The following RIMS1 variants were observed in gnomAD, a reference collection of about 807,000 sequenced individuals.
RIMS1 encodes the protein regulating synaptic membrane exocytosis 1, also known as regulating synaptic membrane exocytosis protein 1.
A neutral mutation model predicts 214.1 loss-of-function variants in RIMS1; 83 were observed. The observed-to-expected ratio is 0.39, with a 90% confidence interval of 0.32 to 0.47. The LOEUF is 0.47. Ranked by LOEUF, RIMS1 falls within the 20% of genes least tolerant of loss-of-function variation. RIMS1 has a pLI of 0.99. For synonymous variants in RIMS1, 793 were observed against 786.8 expected, an observed-to-expected ratio of 1.01 and a Z score of -0.13; for missense variants, 2,050 against 2,161.8, an observed-to-expected ratio of 0.95 and a Z score of 1.03.
At chr6:72,120,913 G>A (rs1023317919) in intron 4 of RIMS1, among the ~76,000 whole-genome samples, 7 of 151,622 alleles carry the variant, frequency 4.6e-5, no homozygotes, top group East Asian at 3.8e-4. Flanking sequence ...ATAGGGAATC[G>A]TTTCCCCATT....
intron 1 of RIMS1, among the ~76,000 whole-genome samples, chr6:71,956,039 A>C (rs1791171178): frequency 1.3e-5 from 2 of 152,090 alleles, no homozygotes; most frequent in Admixed American, 1.3e-4. Context: ...ATTAGAGACA[A>C]TGTCTCACAA....
At chr6:72,121,967 A>T (rs1231432774) in intron 4 of RIMS1, among the ~76,000 whole-genome samples, 4 of 151,722 alleles carry the variant, frequency 2.6e-5, no homozygotes, top group African/African-American at 4.8e-5. Flanking sequence ...ATTTATTTGC[A>T]TATGTAGAAC....
intron 4 of RIMS1, among the ~76,000 whole-genome samples, chr6:72,121,538 TAAG>T (rs1471803301): frequency 3.3e-5 from 5 of 151,962 alleles, no homozygotes; most frequent in Non-Finnish European, 5.9e-5. Context: ...CTTATCAGCT[TAAG>T]GAGATTAGGG....
At chr6:72,001,042 A>C (rs77641190) in intron 2 of RIMS1, among the ~76,000 whole-genome samples, 1,752 of 152,222 alleles carry the variant, frequency 0.012, 9 homozygotes, top group Non-Finnish European at 0.017. Flanking sequence ...TCATAAATTC[A>C]TATTCTCTGC....
chr6:72,095,044 C>T (rs1479968606), intron 2 of RIMS1, among the ~76,000 whole-genome samples: 4 of 150,818 alleles, frequency 2.7e-5, no homozygotes, highest in Non-Finnish European at 5.9e-5. Context: ...CTCTACCTCC[C>T]GGGTTCATGC....
At chr6:72,338,131 G>T (rs535226115) in intron 29 of RIMS1, among the ~76,000 whole-genome samples, 2 of 151,514 alleles carry the variant, frequency 1.3e-5, no homozygotes, top group East Asian at 3.9e-4. Flanking sequence ...GGGTCAAATG[G>T]TATTTCTAGT....
intron 26 of RIMS1, among the ~76,000 whole-genome samples, chr6:72,301,666 A>G (rs2094618733): frequency 6.6e-6 from 1 of 151,656 alleles, no homozygotes; most frequent in Non-Finnish European, 1.5e-5. Context: ...TATAGGCACT[A>G]TTTACATGAC....
chr6:72,262,299 C>A, intron 19 of RIMS1: 1 of 908,672 alleles, frequency 1.1e-6, no homozygotes, highest in Non-Finnish European at 1.3e-6. Flanking sequence ...TAATTCTGAG[C>A]TCCACAAGTC....
chr6:72,314,345 T>G (rs1488138314), intron 28 of RIMS1, among the ~76,000 whole-genome samples: 1 of 152,174 alleles, frequency 6.6e-6, no homozygotes, highest in Non-Finnish European at 1.5e-5. Context: ...ACCTAAAAAT[T>G]TATTACAATT....
chr6:71,955,658 C>T (rs1015751031), intron 1 of RIMS1, among the ~76,000 whole-genome samples: 3 of 151,948 alleles, frequency 2.0e-5, no homozygotes, highest in Admixed American at 6.6e-5. Flanking sequence ...ACATATGCAC[C>T]TAATTATATG....
chr6:72,247,166 C>T (rs911413901), intron 11 of RIMS1, among the ~76,000 whole-genome samples: 6 of 152,066 alleles, frequency 3.9e-5, no homozygotes, highest in African/African-American at 1.4e-4. Flanking sequence ...TGAAGAACTC[C>T]ACCAAGTGGC....
At chr6:72,190,512 G>C (rs2049914348) in intron 6 of RIMS1, among the ~76,000 whole-genome samples, 1 of 149,924 alleles carries the variant, frequency 6.7e-6, no homozygotes, top group Admixed American at 6.6e-5. Context: ...AGGGGCTGTA[G>C]GGGCTATAGT....
chr6:72,107,485 C>T (rs114697718), intron 4 of RIMS1, among the ~76,000 whole-genome samples: 2,324 of 152,102 alleles, frequency 0.015, 62 homozygotes, highest in African/African-American at 0.051. Context: ...TGCTTGAATC[C>T]GAGAAGTGGA....
intron 6 of RIMS1, among the ~76,000 whole-genome samples, chr6:72,226,128 C>T (rs903894220): frequency 4.0e-5 from 6 of 151,806 alleles, no homozygotes; most frequent in East Asian, 1.9e-4. Context: ...AAGTTGTGTG[C>T]GCATGCATGT....
intron 4 of RIMS1, among the ~76,000 whole-genome samples, chr6:72,161,949 C>A (rs192983408): frequency 1.4e-5 from 2 of 140,792 alleles, no homozygotes; most frequent in East Asian, 4.0e-4. Flanking sequence ...TCCTTGTTAA[C>A]TTTCTGTCTT....
chr6:72,213,210 C>T lies in RIMS1; in HGVS notation c.1679-20563C>T, dbSNP rs891525901. On this transcript the variant is annotated intron_variant, in intron 6 of 33. Transcript: ENST00000521978. ...CGAAGAGGGAACAATTGAAGCTCGA[C>T]GAGCAGTTGCTGGTAAGCAATAGAT... 12 of 1,536,052 alleles carry T rather than the reference C, an allele frequency of 7.8e-6. No homozygotes were observed. The highest frequency in any genetic ancestry group is 4.8e-5 in the South Asian group (4 of 83,788).
At chr6:71,992,708 A>T (rs1213446597) in intron 2 of RIMS1, among the ~76,000 whole-genome samples, 1 of 151,300 alleles carries the variant, frequency 6.6e-6, no homozygotes, top group Non-Finnish European at 1.5e-5. Flanking sequence ...TAGGGAGTGC[A>T]GTAGCGTGAT....
At chr6:72,398,843 C>A in intron 32 of RIMS1, 112 bp from the exon 33 acceptor site, 1 of 632,530 alleles carries the variant, frequency 1.6e-6, no homozygotes, top group Non-Finnish European at 2.6e-6. Flanking sequence ...TTTAAACAGT[C>A]AATGGGAAAC....
intron 6 of RIMS1, among the ~76,000 whole-genome samples, chr6:72,203,225 G>A (rs893033801): frequency 6.6e-6 from 1 of 152,078 alleles, no homozygotes; most frequent in Admixed American, 6.5e-5. Flanking sequence ...CTGACCCTGT[G>A]ATCCGCCCAC....
Sources: allele counts gnomAD v4.1 joint callset (sites outside exome capture counted in the v4.1 genomes callset), GRCh38; gene constraint gnomAD v4.1.1; transcripts MANE v1.5; gene names NCBI Gene and HGNC (gene_info 2026-07-23, HGNC 2026-07-21).